Variants in SLC4A10 observed in about 807,000 individuals in gnomAD.
SLC4A10 encodes the protein sodium-driven chloride bicarbonate exchanger.
A neutral mutation model predicts 137.7 loss-of-function variants in SLC4A10; 42 were observed. The observed-to-expected ratio is 0.30, with a 90% CI of 0.24 to 0.39. The LOEUF (loss-of-function observed/expected upper bound fraction) is 0.39. Ranked by LOEUF, SLC4A10 falls within the 10% of genes least tolerant of loss-of-function variation. The probability of loss-of-function intolerance (pLI) is 1.00; values close to 1 mark genes in which losing one functional copy is unlikely to be tolerated. For missense variants in SLC4A10, 925 were observed against 1,355.0 expected (o/e 0.68, Z 4.98); for synonymous variants, 474 against 464.1 (o/e 1.02, Z -0.27).
At chr2:161,934,293 AC>A (rs1332293743) in intron 15 of SLC4A10, among the ~76,000 whole-genome samples, 1 of 151,570 alleles carries the variant, frequency 6.6e-6, no homozygotes, top group Non-Finnish European at 1.5e-5. Flanking sequence ...CCCATTAACC[AC>A]CCCCACTTGC....
intron 2 of SLC4A10, among the ~76,000 whole-genome samples, chr2:161,803,962 T>C (rs981112845): frequency 6.6e-6 from 1 of 152,144 alleles, no homozygotes; most frequent in Non-Finnish European, 1.5e-5. Context: ...AGGTGGCCAA[T>C]ATCAAGTGTA....
intron 23 of SLC4A10, among the ~76,000 whole-genome samples, chr2:161,969,929 C>T (rs929761981): frequency 3.3e-5 from 5 of 152,136 alleles, no homozygotes; most frequent in African/African-American, 1.2e-4. Context: ...CAAGCATATT[C>T]TTCTTCCATA....
chr2:161,971,498 G>T (rs578093150), intron 23 of SLC4A10, among the ~76,000 whole-genome samples: 1 of 152,154 alleles, frequency 6.6e-6, no homozygotes, highest in African/African-American at 2.4e-5. Context: ...TGGGTCCTAT[G>T]TAAATTAAGA....
At chr2:161,832,061 A>T (rs536797125) in intron 3 of SLC4A10, among the ~76,000 whole-genome samples, 1 of 152,280 alleles carries the variant, frequency 6.6e-6, no homozygotes, top group Non-Finnish European at 1.5e-5. Flanking sequence ...TACAGTAAAG[A>T]TAATGTCTCC....
intron 6 of SLC4A10, among the ~76,000 whole-genome samples, chr2:161,863,705 A>C (rs2060567499): frequency 2.0e-5 from 3 of 152,142 alleles, no homozygotes; most frequent in African/African-American, 7.2e-5. Flanking sequence ...CAATCAACTT[A>C]CTATGATTTA....
In SLC4A10 at chr2:161,976,851, A is replaced by G. The variant is rs1397631787; in HGVS notation, c.3319A>G (p.Lys1107Glu). Residue 1107 changes from lysine to glutamate, a missense_variant, in exon 25 of 27, where the codon AAG becomes GAG. Coordinates refer to ENST00000446997, the MANE Select transcript of SLC4A10 (RefSeq NM_001178015.2). The part of the protein sequence containing the change: ...LLITADNSKD[K>E]ESSFPSKSSP... ...GATTACTGCCGATAACTCAAAAGAT[A>G]AGGAGTCAAGCTTTCCTTCCAAAAG... 2 of 1,595,960 alleles carry G rather than the reference A, an allele frequency of 1.3e-6. No homozygotes were observed. Among genetic ancestry groups the G allele is most frequent in the Non-Finnish European group, 1.7e-6 (2 of 1,170,610 alleles).
chr2:161,950,339 C>T (rs1694582868), intron 18 of SLC4A10, among the ~76,000 whole-genome samples: 1 of 151,884 alleles, frequency 6.6e-6, no homozygotes, highest in African/African-American at 2.4e-5. Context: ...TTATTTAATA[C>T]AGGTATTGAT....
intron 5 of SLC4A10, among the ~76,000 whole-genome samples, chr2:161,860,335 G>T (rs1179223572): frequency 1.3e-5 from 2 of 152,036 alleles, no homozygotes; most frequent in Non-Finnish European, 2.9e-5. Context: ...TAGTGTTCGA[G>T]CCTGGAAACA....
At chr2:161,827,104 C>T (rs1237877670) in intron 3 of SLC4A10, among the ~76,000 whole-genome samples, 1 of 152,172 alleles carries the variant, frequency 6.6e-6, no homozygotes, top group Admixed American at 6.5e-5. Context: ...AATCCTTTTA[C>T]ATATTTATTC....
intron 21 of SLC4A10, among the ~76,000 whole-genome samples, chr2:161,962,990 A>G (rs1237781979): frequency 1.3e-5 from 2 of 152,198 alleles, no homozygotes. Context: ...AATGGATGTT[A>G]CTGTAGAGAT....
At chr2:161,723,150 C>T (rs1327478989) in intron 1 of SLC4A10, among the ~76,000 whole-genome samples, 4 of 152,188 alleles carry the variant, frequency 2.6e-5, no homozygotes, top group African/African-American at 7.2e-5. Flanking sequence ...TCCTCACAGC[C>T]CTGTGCTTGG....
chr2:161,836,556 GAA>G (rs371459889), intron 3 of SLC4A10, among the ~76,000 whole-genome samples: 7 of 77,640 alleles, frequency 9.0e-5, no homozygotes, highest in East Asian at 7.1e-4. Context: ...AAGAAAGAAA[GAA>G]AGAAAGAAAG....
intron 24 of SLC4A10, 21 bp downstream of exon 24, chr2:161,974,337 C>A: frequency 6.4e-7 from 1 of 1,570,102 alleles, no homozygotes. Context: ...AATTTAAAAA[C>A]ACATCAATTA....
chr2:161,900,487 C>T (rs971401612), intron 11 of SLC4A10, among the ~76,000 whole-genome samples: 2 of 152,022 alleles, frequency 1.3e-5, no homozygotes, highest in African/African-American at 4.8e-5. Context: ...TCTCTTTGCC[C>T]CTTCCCTTAC....
At position 161,828,923 on chromosome 2, in the gene SLC4A10, AAATTATTCTATTAGAATAATTCTATTAG is replaced by A. The variant is rs564548430; in HGVS notation, c.278-10853_278-10826del. 3.0e-3 allele frequency among the ~76,000 whole-genome samples: 443 copies of A among 149,936 alleles called. 3 individuals are homozygous for A. The highest frequency in any genetic ancestry group is 0.017 in the Middle Eastern group (5 of 286). ...TATTTTCTTGCATTATTCTATTTCT[AAATTATTCTATTAGAATAATTCTATTAG>A]AATTATTCTATTTCTATATTATTGT... On this transcript the variant is annotated intron_variant, in intron 3 of 26. Coordinates refer to ENST00000446997, the MANE Select transcript of SLC4A10 (RefSeq NM_001178015.2).
At chr2:161,779,676 C>T (rs2052782400) in intron 2 of SLC4A10, among the ~76,000 whole-genome samples, 1 of 151,850 alleles carries the variant, frequency 6.6e-6, no homozygotes, top group Non-Finnish European at 1.5e-5. Flanking sequence ...AGGGCTGGTC[C>T]TCTACTTTCT....
At chr2:161,742,442 T>C in intron 1 of SLC4A10, among the ~76,000 whole-genome samples, 1 of 141,618 alleles carries the variant, frequency 7.1e-6, no homozygotes, top group East Asian at 2.0e-4. Context: ...TTTCTTTCTT[T>C]TTTTTTTTTT....
intron 1 of SLC4A10, among the ~76,000 whole-genome samples, chr2:161,747,434 G>A (rs2048503607): frequency 6.6e-6 from 1 of 152,146 alleles, no homozygotes; most frequent in South Asian, 2.1e-4. Context: ...GATGGGGGAG[G>A]AGTTTTGTCA....
chr2:161,906,724 T>A (rs1038048885), intron 15 of SLC4A10, among the ~76,000 whole-genome samples: 2 of 152,222 alleles, frequency 1.3e-5, no homozygotes, highest in African/African-American at 4.8e-5. Flanking sequence ...TAATATTTTT[T>A]AATCTTTATT....
Sources: gnomAD v4.1 joint callset for allele counts (sites outside exome capture counted in the v4.1 genomes callset) on GRCh38, gnomAD v4.1.1 for gene constraint, MANE v1.5 for transcripts, NCBI Gene and HGNC (gene_info 2026-07-23, HGNC 2026-07-21) for gene names.